The following FBXO36 variants were observed in gnomAD, a reference collection of about 807,000 sequenced individuals.
FBXO36 encodes F-box protein 36.
Under a neutral mutation model 17.0 loss-of-function variants are expected in FBXO36, and 18 were observed. That is an observed-to-expected ratio of 1.06 (90% CI 0.73 to 1.57). The LOEUF (loss-of-function observed/expected upper bound fraction) is 1.57. Among genes scored for constraint, FBXO36 ranks in the 40% most tolerant of loss-of-function variants. FBXO36 has a pLI of 0.00. For missense variants in FBXO36, 229 were observed against 221.9 expected, an observed-to-expected ratio of 1.03 and a Z score of -0.20; for synonymous variants, 83 against 85.3, an observed-to-expected ratio of 0.97 and a Z score of 0.15.
intron 1 of FBXO36, among the ~76,000 whole-genome samples, chr2:229,933,126 G>A (rs185321085): frequency 3.4e-4 from 51 of 152,208 alleles, no homozygotes; most frequent in African/African-American, 1.1e-3. Context: ...GGCTGGGCAC[G>A]GTGGCTCACA....
chr2:229,987,654 A>G (rs950620892), intron 2 of FBXO36, among the ~76,000 whole-genome samples: 3 of 151,782 alleles, frequency 2.0e-5, no homozygotes, highest in Non-Finnish European at 2.9e-5. Context: ...TTTTTGAGAT[A>G]GGGTTTTGTT....
At chr2:229,996,972 TA>T (rs1178819521) in intron 3 of FBXO36, 49 bp downstream of exon 3, 22 of 1,558,770 alleles carry the variant, frequency 1.4e-5, no homozygotes, top group Admixed American at 2.0e-5. Flanking sequence ...ATGTGCTTTC[TA>T]AAAAAAATTT....
chr2:229,941,428 C>G (rs950159791), intron 1 of FBXO36, among the ~76,000 whole-genome samples: 1 of 151,966 alleles, frequency 6.6e-6, no homozygotes, highest in South Asian at 2.1e-4. Context: ...GCACTCCAGC[C>G]TGGGCAACAG....
intron 3 of FBXO36, among the ~76,000 whole-genome samples, chr2:229,999,964 T>A (rs972818149): frequency 6.6e-6 from 1 of 152,130 alleles, no homozygotes; most frequent in African/African-American, 2.4e-5. Flanking sequence ...TTGATTTTCC[T>A]ACCTAAAAAT....
chr2:229,957,198 C>T (rs2077092929), intron 1 of FBXO36, among the ~76,000 whole-genome samples: 3 of 152,194 alleles, frequency 2.0e-5, no homozygotes. Context: ...TAGATGCAGG[C>T]ATCCCGCAGC....
chr2:229,964,583 C>T (rs183012713), intron 1 of FBXO36, among the ~76,000 whole-genome samples: 2 of 152,300 alleles, frequency 1.3e-5, no homozygotes, highest in East Asian at 1.9e-4. Flanking sequence ...GCAGTTGGTG[C>T]GATCTCGGCT....
intron 1 of FBXO36, among the ~76,000 whole-genome samples, chr2:229,934,245 C>T (rs1263724786): frequency 6.6e-6 from 1 of 151,554 alleles, no homozygotes; most frequent in East Asian, 2.0e-4. Flanking sequence ...ACTAAAAATA[C>T]AAAAAATTAG....
At chr2:229,969,901 GA>G in intron 1 of FBXO36, among the ~76,000 whole-genome samples, 1 of 152,176 alleles carries the variant, frequency 6.6e-6, no homozygotes, top group Admixed American at 6.6e-5. Flanking sequence ...CACCGAAGAG[GA>G]TATATGAATG....
chr2:229,932,833 G>C, intron 1 of FBXO36: 1 of 268,028 alleles, frequency 3.7e-6, no homozygotes, highest in South Asian at 3.2e-5. Flanking sequence ...ACTTTGGGAG[G>C]CCGAGCCAGG....
chr2:229,969,894 C>CGAATGGTGAATGGT, intron 1 of FBXO36, among the ~76,000 whole-genome samples: 1 of 151,902 alleles, frequency 6.6e-6, no homozygotes, highest in Admixed American at 6.6e-5. Flanking sequence ...GGTATTTCAC[C>CGAATGGTGAATGGT]GAAGAGGATA....
At chr2:229,924,581 A>G (rs1285528388) in intron 1 of FBXO36, among the ~76,000 whole-genome samples, 1 of 152,038 alleles carries the variant, frequency 6.6e-6, no homozygotes, top group African/African-American at 2.4e-5. Context: ...CTGGTATTTT[A>G]CAAGTATGCT....
chr2:229,969,532 C>CA (rs1191365694), intron 1 of FBXO36, among the ~76,000 whole-genome samples: 2 of 151,872 alleles, frequency 1.3e-5, no homozygotes, highest in African/African-American at 4.8e-5. Context: ...ACTAAAAATA[C>CA]AAAAAATTAG....
chr2:229,962,968 C>T (rs979795885), intron 1 of FBXO36, among the ~76,000 whole-genome samples: 1 of 151,844 alleles, frequency 6.6e-6, no homozygotes, highest in South Asian at 2.1e-4. Context: ...TGAGCCACCA[C>T]GCCCAGCTTC....
intron 3 of FBXO36, among the ~76,000 whole-genome samples, chr2:230,004,301 A>C (rs2077375199): frequency 6.6e-6 from 1 of 152,148 alleles, no homozygotes; most frequent in African/African-American, 2.4e-5. Context: ...ACCTAACTTC[A>C]TATACCCACC....
At chr2:229,963,025 G>A (rs1266637937) in intron 1 of FBXO36, among the ~76,000 whole-genome samples, 1 of 151,346 alleles carries the variant, frequency 6.6e-6, no homozygotes, top group East Asian at 2.0e-4. Flanking sequence ...CCTTTGTGAG[G>A]TTATGTCAAA....
In FBXO36 at chr2:230,008,520, CTG is replaced by C. The variant is rs575151447; in HGVS notation, c.379-2174_379-2173del. 1.4e-4 allele frequency among the ~76,000 whole-genome samples: 21 copies of C among 152,226 alleles called. No homozygotes were observed. The East Asian group carries it at 3.9e-3, about 28-fold the overall frequency. On this transcript the variant is annotated intron_variant, in intron 3 of 3. Transcript: ENST00000283946. The stretch of plus-strand genomic sequence containing the variant: ...CACGAACTTATAATATAAAACAAAA[CTG>C]TAAATATTTTCAGTATAAAATTTGA...
intron 1 of FBXO36, chr2:229,937,921 C>A (rs1019427103): frequency 6.6e-6 from 1 of 152,158 alleles, no homozygotes; most frequent in Non-Finnish European, 1.5e-5. Context: ...TGGTGGACAT[C>A]TTAGTTTTGC....
chr2:229,944,010 TTCC>T (rs2077013703), intron 1 of FBXO36, among the ~76,000 whole-genome samples: 1 of 152,122 alleles, frequency 6.6e-6, no homozygotes, highest in Non-Finnish European at 1.5e-5. Flanking sequence ...TCTCTCTGTC[TTCC>T]TCCTCTGGCC....
At chr2:229,931,564 G>A (rs943236426) in intron 1 of FBXO36, among the ~76,000 whole-genome samples, 38 of 152,152 alleles carry the variant, frequency 2.5e-4, no homozygotes, top group Admixed American at 2.4e-3. Flanking sequence ...TTTCACGACC[G>A]GCATGTTGGC....
Sources: gnomAD v4.1 joint callset for allele counts (sites outside exome capture counted in the v4.1 genomes callset) on GRCh38, gnomAD v4.1.1 for gene constraint, MANE v1.5 for transcripts, NCBI Gene and HGNC (gene_info 2026-07-23, HGNC 2026-07-21) for gene names.